The following NXNL2 variants were observed in gnomAD, a reference collection of about 807,000 sequenced individuals.
The protein encoded by NXNL2 is nucleoredoxin like 2.
A neutral mutation model predicts 11.1 loss-of-function variants in NXNL2; 7 were observed. The ratio of observed to expected loss-of-function variants is 0.63; its 90% CI spans 0.36 to 1.18. The LOEUF (loss-of-function observed/expected upper bound fraction) is 1.18. Ranked by LOEUF, NXNL2 falls within the 50% of genes most tolerant of loss-of-function variation. The pLI, the probability that NXNL2 is intolerant of heterozygous loss-of-function variation, is 0.02. For missense variants in NXNL2, 233 were observed against 217.7 expected (o/e 1.07, Z -0.44); for synonymous variants, 109 against 101.8 (o/e 1.07, Z -0.42).
intron 2 of NXNL2, among the ~76,000 whole-genome samples, chr9:88,574,562 C>T (rs765207708): frequency 3.9e-5 from 6 of 152,110 alleles, no homozygotes; most frequent in Non-Finnish European, 8.8e-5. Context: ...ATTAGTTGTT[C>T]CAAAGGAAGC....
chr9:88,583,134 C>T (rs192479593), intron 1 of NXNL2, among the ~76,000 whole-genome samples: 6 of 152,346 alleles, frequency 3.9e-5, no homozygotes, highest in Admixed American at 3.9e-4. Flanking sequence ...CTCTTATCCC[C>T]TGGCAGGCCC....
At chr9:88,546,174 T>TGTGTGTGTGTGTGTGA (rs1163341944), downstream of NXNL2, among the ~76,000 whole-genome samples, 25 of 151,930 alleles carry the variant, frequency 1.6e-4, no homozygotes, top group African/African-American at 6.0e-4. Context: ...TGTGTGTGTG[T>TGTGTGTGTGTGTGTGA]GTGAGAACCA....
At chr9:88,572,750 G>A (rs987238095) in intron 2 of NXNL2, among the ~76,000 whole-genome samples, 1 of 152,204 alleles carries the variant, frequency 6.6e-6, no homozygotes, top group Admixed American at 6.5e-5. Context: ...GAGTATCTGA[G>A]TTAGGAGAAG....
At chr9:88,552,466 C>G (rs1829948744) in intron 1 of NXNL2, among the ~76,000 whole-genome samples, 1 of 142,444 alleles carries the variant, frequency 7.0e-6, no homozygotes, top group South Asian at 2.2e-4. Context: ...CTGCTTTAAA[C>G]ATGCATGTTT....
At chr9:88,553,591 C>G (rs1463058567) in intron 1 of NXNL2, among the ~76,000 whole-genome samples, 2 of 152,130 alleles carry the variant, frequency 1.3e-5, no homozygotes, top group Non-Finnish European at 2.9e-5. Flanking sequence ...CCCAGAGGCT[C>G]TTTCTAGCGG....
intron 1 of NXNL2, among the ~76,000 whole-genome samples, chr9:88,540,513 C>T (rs146214317): frequency 6.6e-6 from 1 of 152,150 alleles, no homozygotes; most frequent in East Asian, 1.9e-4. Context: ...AGTTGGTGTC[C>T]CCTAAACCTG....
chr9:88,536,518 G>A (rs1301574520), intron 1 of NXNL2, among the ~76,000 whole-genome samples: 2 of 152,158 alleles, frequency 1.3e-5, no homozygotes, highest in Non-Finnish European at 2.9e-5. Context: ...TAGGTTTAAA[G>A]CAGGCCTCGT....
chr9:88,554,091 G>C (rs988351071), intron 1 of NXNL2, among the ~76,000 whole-genome samples: 1 of 152,176 alleles, frequency 6.6e-6, no homozygotes, highest in African/African-American at 2.4e-5. Context: ...TATATGATGA[G>C]GTGGTGGAGT....
At chr9:88,541,083 C>A (rs1476852080) in intron 1 of NXNL2, among the ~76,000 whole-genome samples, 1 of 146,230 alleles carries the variant, frequency 6.8e-6, no homozygotes, top group Non-Finnish European at 1.5e-5. Flanking sequence ...GTAGCTGAGC[C>A]TACAGGTGTG....
intron 1 of NXNL2, among the ~76,000 whole-genome samples, chr9:88,568,729 A>G (rs1830214965): frequency 6.6e-6 from 1 of 152,084 alleles, no homozygotes; most frequent in Non-Finnish European, 1.5e-5. Context: ...GTATTCTCAC[A>G]TGTTTAGTTT....
At chr9:88,582,785 T>A (rs931974880) in intron 1 of NXNL2, among the ~76,000 whole-genome samples, 2 of 152,012 alleles carry the variant, frequency 1.3e-5, no homozygotes, top group Non-Finnish European at 2.9e-5. Context: ...TCTTGTGCCT[T>A]AGCCTCCTGA....
intron 1 of NXNL2, 106 bp downstream of exon 1, chr9:88,535,842 ACACCTC>A: frequency 1.2e-6 from 1 of 813,908 alleles, no homozygotes; most frequent in Non-Finnish European, 1.8e-6. Flanking sequence ...CCCCCCCCCA[ACACCTC>A]CCCGTCTCTC....
At chr9:88,542,375 G>A (rs1829780068) in intron 1 of NXNL2, among the ~76,000 whole-genome samples, 1 of 151,674 alleles carries the variant, frequency 6.6e-6, no homozygotes. Flanking sequence ...TGCAACTTCC[G>A]CCTGCTGGAT....
chr9:88,580,093 C>T (rs754829927), downstream of NXNL2, among the ~76,000 whole-genome samples: 21 of 151,332 alleles, frequency 1.4e-4, no homozygotes, highest in Non-Finnish European at 2.7e-4. Flanking sequence ...GAGCCAAGAT[C>T]GCGCCATTGC....
chr9:88,542,394 T>G (rs557549841), intron 1 of NXNL2, among the ~76,000 whole-genome samples: 1 of 151,970 alleles, frequency 6.6e-6, no homozygotes, highest in South Asian at 2.1e-4. Context: ...ATTCAAGCAA[T>G]TCTCTGGCCT....
chr9:88,551,164 G>A (rs375718207), intron 1 of NXNL2, among the ~76,000 whole-genome samples: 13 of 152,114 alleles, frequency 8.5e-5, no homozygotes, highest in African/African-American at 2.2e-4. Context: ...TGTTTTCACC[G>A]TAGGGCCTGT....
exon 3 of NXNL2, chr9:88,575,721 T>C (rs2118548557): frequency 6.6e-6 from 1 of 152,352 alleles, no homozygotes; most frequent in East Asian, 1.9e-4. Flanking sequence ...TCAATAATCA[T>C]TTAATTGTAC....
At chr9:88,567,457 A>G (rs956369860) in intron 1 of NXNL2, among the ~76,000 whole-genome samples, 1 of 152,190 alleles carries the variant, frequency 6.6e-6, no homozygotes, top group African/African-American at 2.4e-5. Flanking sequence ...TTTAATGTCT[A>G]TGCAGCATGT....
intron 1 of NXNL2, among the ~76,000 whole-genome samples, chr9:88,552,332 A>T (rs1829946614): frequency 6.6e-6 from 1 of 152,036 alleles, no homozygotes; most frequent in Admixed American, 6.6e-5. Context: ...GCATGTGTTT[A>T]AACTGCCTAT....
Sources: gnomAD v4.1 joint callset for allele counts (sites outside exome capture counted in the v4.1 genomes callset) on GRCh38, gnomAD v4.1.1 for gene constraint, MANE v1.5 for transcripts, NCBI Gene and HGNC (gene_info 2026-07-23, HGNC 2026-07-21) for gene names.